The following ZNF93 variants were observed in gnomAD, a reference collection of about 807,000 sequenced individuals.
ZNF93 encodes the protein zinc finger protein 505.
ZNF93 carries 29 observed loss-of-function variants against 45.0 expected under a neutral mutation model. That is an observed-to-expected ratio of 0.64 (90% confidence interval 0.48 to 0.88). ZNF93 has a LOEUF of 0.88. ZNF93 is among the 40% of genes least tolerant of loss of function. The pLI, the probability that ZNF93 is intolerant of heterozygous loss-of-function variation, is 0.00. For synonymous variants in ZNF93, 223 were observed against 244.6 expected (o/e 0.91, Z 0.82); for missense variants, 578 against 724.0 (o/e 0.80, Z 2.31).
chr19:19,915,285 A>G lies in ZNF93; in HGVS notation c.9A>G (p.Pro3=), dbSNP rs770459913. The G allele has an allele frequency of 5.0e-6, 8 of 1,613,732 alleles. No homozygotes were observed. Among genetic ancestry groups the G allele is most frequent in the African/African-American group, 2.7e-5 (2 of 74,896 alleles). ...TGTGTGTGTGTGTTTTTCAGGGACCATTGCAATTTAGAGATGTGGCCATAG... is the reference window on the plus strand; with the variant it reads ...TGTGTGTGTGTGTTTTTCAGGGACCGTTGCAATTTAGAGATGTGGCCATAG... MG[P]LQFRDVAIEF... The change falls in exon 2 of 4, where the codon CCA becomes CCG. Residue 3 remains proline (P), a synonymous_variant. Coordinates refer to ENST00000343769, the MANE Select transcript of ZNF93 (RefSeq NM_031218.4).
chr19:19,931,961 C>A, intron 3 of ZNF93: 1 of 383,164 alleles, frequency 2.6e-6, no homozygotes, highest in South Asian at 1.9e-5. Flanking sequence ...TCTATATTTT[C>A]CAGTTTGTTA....
At chr19:19,915,911 T>C (rs969458538) in intron 2 of ZNF93, among the ~76,000 whole-genome samples, 4 of 152,204 alleles carry the variant, frequency 2.6e-5, no homozygotes, top group African/African-American at 7.2e-5. Flanking sequence ...TGAGTTGAGC[T>C]GTATTCTTCA....
At chr19:19,904,794 T>C (rs969853905) in intron 1 of ZNF93, among the ~76,000 whole-genome samples, 13 of 150,022 alleles carry the variant, frequency 8.7e-5, no homozygotes, top group African/African-American at 3.0e-4. Context: ...GGGTGAGAGA[T>C]GACTGAAAAC....
intron 3 of ZNF93, among the ~76,000 whole-genome samples, chr19:19,925,055 T>C (rs7250793): frequency 0.88 from 133,305 of 152,216 alleles, 58,685 homozygotes; most frequent in African/African-American, 0.97. Context: ...TGGAATGGCA[T>C]GACCTCTCCC....
intron 3 of ZNF93, among the ~76,000 whole-genome samples, chr19:19,931,314 T>G (rs1396457186): frequency 6.6e-6 from 1 of 151,882 alleles, no homozygotes; most frequent in Non-Finnish European, 1.5e-5. Flanking sequence ...CTCAGCCCCC[T>G]GAGTAGCTGG....
intron 3 of ZNF93, among the ~76,000 whole-genome samples, chr19:19,918,565 C>A (rs553809535): frequency 1.3e-3 from 202 of 152,284 alleles, no homozygotes; most frequent in African/African-American, 4.7e-3. Flanking sequence ...TACAGTCCCA[C>A]CAACAGTGTA....
chr19:19,914,157 A>G (rs2063317401), intron 1 of ZNF93, among the ~76,000 whole-genome samples: 1 of 152,202 alleles, frequency 6.6e-6, no homozygotes, highest in African/African-American at 2.4e-5. Flanking sequence ...TGGGTACTCA[A>G]GATTCCTATT....
rs571866718 is a variant in ZNF93 at position 19,933,843 on chromosome 19, A to G, written c.888A>G (p.Gln296=). 9.1e-5 allele frequency: 146 copies of G among 1,610,284 alleles called. No individual in the cohort carries two copies. The African/African-American group carries it at 1.5e-3, about 16-fold the overall frequency. The part of the protein sequence containing the change: ...KCEECGKAFN[Q]SSTLTKHKKI... ...AAGAATGTGGCAAAGCTTTTAACCAATCCTCAACACTTACTAAACATAAGA... is the reference window on the plus strand; with the variant it reads ...AAGAATGTGGCAAAGCTTTTAACCAGTCCTCAACACTTACTAAACATAAGA... The change falls in exon 4 of 4, where the codon CAA becomes CAG. Residue 296 remains glutamine (Q), a synonymous_variant. Transcript: ENST00000343769.
rs773711211 is a variant in ZNF93 at position 19,934,354 on chromosome 19, T to A, written c.1399T>A (p.Ser467Thr). The change falls in exon 4 of 4, where the codon TCC (serine) becomes ACC (threonine). Residue 467 changes from serine to threonine, a missense_variant. Physicochemically the swap from Ser to Thr is moderately conservative, Grantham distance 58. Transcript: ENST00000343769. ...ECGKAFNQSS[S>T]LTKHKKIHTG... is the part of the protein sequence containing the mutation. ...TGGCAAAGCTTTTAACCAGTCCTCATCCCTTACTAAACATAAGAAAATTCA... is the reference window on the plus strand; with the variant it reads ...TGGCAAAGCTTTTAACCAGTCCTCAACCCTTACTAAACATAAGAAAATTCA... The A allele has an allele frequency of 1.4e-5, 22 of 1,583,930 alleles. No homozygotes were observed. The Admixed American group carries it at 1.6e-4, about 12-fold the overall frequency.
intron 1 of ZNF93, among the ~76,000 whole-genome samples, chr19:19,906,688 CT>C (rs1473889241): frequency 9.2e-5 from 14 of 151,722 alleles, no homozygotes; most frequent in Non-Finnish European, 1.9e-4. Flanking sequence ...TTAATTTGTC[CT>C]GAGTTGATTT....
At chr19:19,919,768 G>A (rs2063337547) in intron 3 of ZNF93, among the ~76,000 whole-genome samples, 1 of 152,168 alleles carries the variant, frequency 6.6e-6, no homozygotes, top group Non-Finnish European at 1.5e-5. Flanking sequence ...TGTTATTGGT[G>A]TATAAGAATG....
chr19:19,929,154 T>A (rs2063364930), intron 3 of ZNF93, among the ~76,000 whole-genome samples: 1 of 151,958 alleles, frequency 6.6e-6, no homozygotes. Context: ...CTTCACCTCA[T>A]ACTTGCTCTG....
chr19:19,934,879 TTCTGAACTTAC>T lies in ZNF93; in HGVS notation c.*66_*76del. On this transcript the variant is annotated 3_prime_UTR_variant, in exon 4 of 4. Coordinates refer to ENST00000343769, the MANE Select transcript of ZNF93 (RefSeq NM_031218.4). ...CTCACACCTTACTATACACTGAGAG[TTCTGAACTTAC>T]TCTGTAACCATCCCAAACTCCTCCC... 5.3e-6 allele frequency: 8 copies of T among 1,512,726 alleles called. No individual in the cohort carries two copies. Among genetic ancestry groups the T allele is most frequent in the Non-Finnish European group, 6.2e-6 (7 of 1,124,666 alleles). 93.7% of individuals were successfully genotyped at this position (1,512,726 alleles called of 1,614,324 possible).
At chr19:19,924,535 C>T (rs147864660) in intron 3 of ZNF93, among the ~76,000 whole-genome samples, 9 of 151,986 alleles carry the variant, frequency 5.9e-5, no homozygotes, top group Middle Eastern at 3.4e-3. Flanking sequence ...TTTCATAAAC[C>T]GATTTTTGAA....
chr19:19,926,456 G>A (rs2063356444), intron 3 of ZNF93, among the ~76,000 whole-genome samples: 1 of 142,972 alleles, frequency 7.0e-6, no homozygotes, highest in African/African-American at 2.6e-5. Context: ...TTGTTTCAAA[G>A]TTCCATATTA....
chr19:19,930,792 A>G (rs2122195800), intron 3 of ZNF93, among the ~76,000 whole-genome samples: 1 of 152,330 alleles, frequency 6.6e-6, no homozygotes, highest in African/African-American at 2.4e-5. Flanking sequence ...ATATTCATAT[A>G]TAATCATATC....
intron 1 of ZNF93, among the ~76,000 whole-genome samples, chr19:19,910,513 CTTG>C (rs1333866743): frequency 1.3e-5 from 2 of 152,154 alleles, no homozygotes; most frequent in Non-Finnish European, 2.9e-5. Flanking sequence ...CTGTCCCTGT[CTTG>C]TTGTCTTTAC....
At chr19:19,916,907 G>A (rs929828808) in intron 3 of ZNF93, among the ~76,000 whole-genome samples, 1 of 152,160 alleles carries the variant, frequency 6.6e-6, no homozygotes. Context: ...CTCAGTGAGA[G>A]CCACAGTCCT....
At position 19,930,462 on chromosome 19, in the gene ZNF93, C is replaced by T. The variant is rs145219780; in HGVS notation, c.227-2720C>T. 4.9e-4 allele frequency among the ~76,000 whole-genome samples: 75 copies of T among 152,164 alleles called. 1 individual carries two copies. The East Asian group carries it at 0.014, about 28-fold the overall frequency. On this transcript the variant is annotated intron_variant, in intron 3 of 3. Transcript: ENST00000343769. ...GAGGAGTAGAGTCTTCTCTAAACTC[C>T]CCCAGGGAAAGGGAGACTCCCTTTC...
Sources: allele counts gnomAD v4.1 joint callset (sites outside exome capture counted in the v4.1 genomes callset), GRCh38; gene constraint gnomAD v4.1.1; transcripts MANE v1.5; gene names NCBI Gene and HGNC (gene_info 2026-07-23, HGNC 2026-07-21).